The following ARMH4 variants were observed in gnomAD, a reference collection of about 807,000 sequenced individuals.
ARMH4 encodes armadillo like helical domain containing 4.
ARMH4 carries 49 observed loss-of-function variants against 61.9 expected under a neutral mutation model. The ratio of observed to expected loss-of-function variants is 0.79; its 90% CI spans 0.63 to 1.00. The LOEUF (loss-of-function observed/expected upper bound fraction) is 1.00. Ranked by LOEUF, ARMH4 falls within the 50% of genes least tolerant of loss-of-function variation. The probability of loss-of-function intolerance (pLI) is 0.00; values close to 1 mark genes in which losing one functional copy is unlikely to be tolerated. For synonymous variants in ARMH4, 368 were observed against 341.5 expected, an observed-to-expected ratio of 1.08 and a Z score of -0.85; for missense variants, 934 against 930.0, an observed-to-expected ratio of 1.00 and a Z score of -0.06.
rs1210402688 is a variant in ARMH4, at chr14:58,134,191, C to T, written c.1370-850G>A. Reference sequence around the variant, plus strand: ...AGGTTTAGAAAAGCTAAGGAGCATGCCTTTGTTCACATTGCCAGCACCCTT... The same window carrying T: ...AGGTTTAGAAAAGCTAAGGAGCATGTCTTTGTTCACATTGCCAGCACCCTT... On this transcript the variant is annotated intron_variant, in intron 2 of 7. Coordinates refer to ENST00000267485, the MANE Select transcript of ARMH4 (RefSeq NM_001001872.4). Among the ~76,000 whole-genome samples, 4 of 152,144 alleles carry T rather than the reference C, an allele frequency of 2.6e-5. No individual in the cohort carries two copies. The East Asian group carries it at 7.7e-4, about 29-fold the overall frequency.
chr14:58,024,946 A>G (rs1321392781), intron 5 of ARMH4, among the ~76,000 whole-genome samples: 1 of 152,142 alleles, frequency 6.6e-6, no homozygotes, highest in Non-Finnish European at 1.5e-5. Context: ...TAGTAACATT[A>G]AAGACCACTG....
chr14:58,050,970 C>A (rs542659158), intron 5 of ARMH4, among the ~76,000 whole-genome samples: 1 of 151,882 alleles, frequency 6.6e-6, no homozygotes, highest in East Asian at 1.9e-4. Context: ...GGATGAAAGA[C>A]ATTATTTAAG....
chr14:58,131,643 A>C lies in ARMH4; in HGVS notation c.1700T>G (p.Met567Arg). The C allele has an allele frequency of 6.2e-7, 1 of 1,614,152 alleles. No individual in the cohort carries two copies. Reference protein sequence around the residue: ...LGSPVTPPGIMVGEPSISPAL... With the variant: ...LGSPVTPPGIRVGEPSISPAL... ...AGGGGAAATGCTGGGTTCCCCCACC[A>C]TTATTCCAGGAGGTGTCACTGGAGA... The change falls in exon 4 of 8, where the codon ATG becomes AGG. Residue 567 changes from methionine (M) to arginine (R), a missense_variant. Met to Arg is a moderately conservative substitution (Grantham distance 91). Transcript: ENST00000267485.
At chr14:58,021,717 G>A (rs1882836911) in intron 5 of ARMH4, among the ~76,000 whole-genome samples, 1 of 152,192 alleles carries the variant, frequency 6.6e-6, no homozygotes. Flanking sequence ...AGGAGAAAGG[G>A]CCAGGAGAAG....
intron 5 of ARMH4, among the ~76,000 whole-genome samples, chr14:58,049,132 G>A (rs1884044453): frequency 6.6e-6 from 1 of 151,770 alleles, no homozygotes; most frequent in African/African-American, 2.4e-5. Flanking sequence ...CCAGATACTA[G>A]GGAGGCTGAG....
At chr14:58,016,057 C>T (rs895070791) in intron 5 of ARMH4, among the ~76,000 whole-genome samples, 1 of 151,868 alleles carries the variant, frequency 6.6e-6, no homozygotes, top group African/African-American at 2.4e-5. Context: ...GATTTGCAAT[C>T]CATATCAAAA....
At chr14:58,090,230 T>G (rs1383042413) in intron 5 of ARMH4, among the ~76,000 whole-genome samples, 1 of 152,160 alleles carries the variant, frequency 6.6e-6, no homozygotes, top group Admixed American at 6.5e-5. Flanking sequence ...AATTCTAAAG[T>G]AGACAAAAAT....
chr14:58,109,374 G>A (rs193112389), intron 4 of ARMH4, among the ~76,000 whole-genome samples: 1 of 152,186 alleles, frequency 6.6e-6, no homozygotes, highest in Admixed American at 6.5e-5. Context: ...AGAACTTTTT[G>A]TTTGTTTTAA....
At chr14:58,121,253 A>C (rs957205791) in intron 4 of ARMH4, among the ~76,000 whole-genome samples, 1 of 152,210 alleles carries the variant, frequency 6.6e-6, no homozygotes, top group Non-Finnish European at 1.5e-5. Flanking sequence ...AAAACCACTG[A>C]ATATGTACAA....
At position 58,005,193 on chromosome 14, in the gene ARMH4, A is replaced by G. The variant is rs1234245806; in HGVS notation, c.2122-11T>C. 1 of 1,613,726 alleles carries G rather than the reference A, an allele frequency of 6.2e-7. No individual in the cohort carries two copies. Among genetic ancestry groups the G allele is most frequent in the African/African-American group, 1.3e-5 (1 of 74,912 alleles). On this transcript the variant is annotated splice_polypyrimidine_tract_variant and intron_variant, in intron 6 of 7. Coordinates refer to ENST00000267485, the MANE Select transcript of ARMH4 (RefSeq NM_001001872.4). Reference sequence around the variant, plus strand: ...AGACATGTAACCAGCCTGCATAGAAAAGGAAACACACATTAGGATGCTAAA... The same window carrying G: ...AGACATGTAACCAGCCTGCATAGAAGAGGAAACACACATTAGGATGCTAAA...
intron 1 of ARMH4, among the ~76,000 whole-genome samples, chr14:58,148,791 T>G (rs573099795): frequency 1.3e-5 from 2 of 152,052 alleles, no homozygotes; most frequent in South Asian, 4.2e-4. Context: ...ACTCTAACAA[T>G]AACAATAACT....
intron 5 of ARMH4, among the ~76,000 whole-genome samples, chr14:58,050,441 A>T (rs919330461): frequency 1.3e-5 from 2 of 152,202 alleles, no homozygotes; most frequent in Non-Finnish European, 2.9e-5. Flanking sequence ...GGTGATAGTC[A>T]GTGGCAAACC....
intron 6 of ARMH4, among the ~76,000 whole-genome samples, chr14:58,010,478 C>T (rs1290770512): frequency 2.6e-5 from 4 of 151,900 alleles, no homozygotes; most frequent in African/African-American, 9.7e-5. Flanking sequence ...GATATAGGCA[C>T]ATATGACAGT....
In ARMH4 at chr14:58,138,438, G is replaced by C; in HGVS notation, c.921C>G (p.Ala307=). ...CATCCCACTCATCACTTAAGGCAGA[G>C]GCAGCTGGAACAGCTGTGCTGACAC... ...TVSVSTAVPA[A]SALSDEWDDT... The change falls in exon 2 of 8, where the codon GCC becomes GCG. Residue 307 remains alanine (A), a synonymous_variant. Coordinates refer to ENST00000267485, the MANE Select transcript of ARMH4 (RefSeq NM_001001872.4). 6.2e-7 allele frequency: 1 copy of C among 1,614,246 alleles called. No homozygotes were observed. The highest frequency in any genetic ancestry group is 1.7e-5 in the Admixed American group (1 of 60,034).
chr14:58,132,561 T>C (rs1887145572), intron 3 of ARMH4, among the ~76,000 whole-genome samples: 1 of 145,454 alleles, frequency 6.9e-6, no homozygotes, highest in African/African-American at 2.5e-5. Context: ...AGACCTTACT[T>C]ACAAACTAAA....
rs377475632 is a variant in ARMH4 at position 58,057,393 on chromosome 14, C to T, written c.2089+39331G>A. 6.6e-5 allele frequency among the ~76,000 whole-genome samples: 10 copies of T among 152,292 alleles called. No individual in the cohort carries two copies. In the East Asian group the frequency reaches 1.2e-3, roughly 18 times the overall value. ...TTAAATTATTTAATCCTTACAACAACTTTATGAACTATTGTCTTCAATTTA... is the reference window on the plus strand; with the variant it reads ...TTAAATTATTTAATCCTTACAACAATTTTATGAACTATTGTCTTCAATTTA... On this transcript the variant is annotated intron_variant, in intron 5 of 7. Coordinates refer to ENST00000267485, the MANE Select transcript of ARMH4 (RefSeq NM_001001872.4).
intron 4 of ARMH4, among the ~76,000 whole-genome samples, chr14:58,130,239 T>G (rs111447751): frequency 5.9e-5 from 9 of 152,294 alleles, no homozygotes; most frequent in African/African-American, 1.7e-4. Context: ...CAAGAGCTGT[T>G]AGCCTTTGAG....
At chr14:58,005,762 G>A (rs1262665959) in intron 6 of ARMH4, among the ~76,000 whole-genome samples, 1 of 152,180 alleles carries the variant, frequency 6.6e-6, no homozygotes, top group Admixed American at 6.5e-5. Context: ...AAAAAGGCCT[G>A]CAAAGGCAAG....
intron 1 of ARMH4, among the ~76,000 whole-genome samples, chr14:58,148,992 AGTGTCTTAATAATCTTT>A (rs1282781626): frequency 2.6e-5 from 4 of 152,174 alleles, no homozygotes; most frequent in Admixed American, 6.5e-5. Flanking sequence ...TGAGGGGGAT[AGTGTCTTAATAATCTTT>A]GTGTCTTAAT....
Sources: gnomAD v4.1 joint callset for allele counts (sites outside exome capture counted in the v4.1 genomes callset) on GRCh38, gnomAD v4.1.1 for gene constraint, MANE v1.5 for transcripts, NCBI Gene and HGNC (gene_info 2026-07-23, HGNC 2026-07-21) for gene names.